The following NACC2 variants were observed in gnomAD, a reference collection of about 807,000 sequenced individuals.
NACC2 encodes nucleus accumbens-associated protein 2.
Under a neutral mutation model 25.1 loss-of-function variants are expected in NACC2, and 8 were observed. The ratio of observed to expected loss-of-function variants is 0.32; its 90% CI spans 0.19 to 0.57. The LOEUF is 0.57. Ranked by LOEUF, NACC2 falls within the 20% of genes least tolerant of loss-of-function variation. The probability of loss-of-function intolerance (pLI) is 0.89; values close to 1 mark genes in which losing one functional copy is unlikely to be tolerated. For synonymous variants in NACC2, 435 were observed against 294.7 expected (o/e 1.48, Z -4.88); for missense variants, 644 against 650.2 (o/e 0.99, Z 0.10).
chr9:136,013,485 T>C lies in NACC2; in HGVS notation c.1158-189A>G, dbSNP rs1055023856. 4.6e-5 allele frequency among the ~76,000 whole-genome samples: 7 copies of C among 152,182 alleles called. No individual in the cohort carries two copies. The highest frequency in any genetic ancestry group is 7.3e-5 in the Non-Finnish European group (5 of 68,034). On this transcript the variant is annotated intron_variant, in intron 4 of 5. Coordinates refer to ENST00000277554, the MANE Select transcript of NACC2 (RefSeq NM_144653.5). The surrounding 1 kb of genome is among the most constrained non-coding windows in gnomAD (Gnocchi z 6.6). ...CAGGACAAAGGAAAAGCGTCTGGGC[T>C]GAGAAGATGACCGGGTGATGGGGCT...
intron 1 of NACC2, among the ~76,000 whole-genome samples, chr9:136,063,151 G>T (rs964515463): frequency 1.3e-5 from 2 of 152,176 alleles, no homozygotes; most frequent in South Asian, 4.1e-4. Flanking sequence ...TCTCTCTCCT[G>T]TCAAACGTGT....
chr9:136,057,109 G>A (rs1272390887), intron 1 of NACC2, among the ~76,000 whole-genome samples: 1 of 152,192 alleles, frequency 6.6e-6, no homozygotes, highest in Non-Finnish European at 1.5e-5. Context: ...CTCTGCGTCC[G>A]ATAGGGCCTT....
intron 2 of NACC2, among the ~76,000 whole-genome samples, chr9:136,027,014 A>C (rs559430781): frequency 2.0e-5 from 3 of 152,336 alleles, no homozygotes; most frequent in Admixed American, 1.3e-4. Context: ...GGATCACCCA[A>C]GGTCAGGAGT....
chr9:136,072,313 C>T (rs1391102670), intron 1 of NACC2, among the ~76,000 whole-genome samples: 4 of 151,150 alleles, frequency 2.6e-5, no homozygotes, highest in African/African-American at 9.7e-5. Flanking sequence ...TGGGAGGCCA[C>T]GGTGAGCAGA....
chr9:136,045,890 C>T (rs1840715387), intron 2 of NACC2, among the ~76,000 whole-genome samples: 1 of 152,186 alleles, frequency 6.6e-6, no homozygotes, highest in Non-Finnish European at 1.5e-5. Context: ...GGGGAGCCCC[C>T]ACCCCAAGCC....
chr9:136,035,382 G>C (rs1286195944), intron 2 of NACC2, among the ~76,000 whole-genome samples: 3 of 151,906 alleles, frequency 2.0e-5, no homozygotes, highest in African/African-American at 7.3e-5. Flanking sequence ...TGCACAACCT[G>C]ACCCCAGTCC....
chr9:136,081,471 A>G (rs775256535), intron 1 of NACC2, among the ~76,000 whole-genome samples: 6 of 152,246 alleles, frequency 3.9e-5, no homozygotes, highest in Non-Finnish European at 8.8e-5. Context: ...CGGGGTGCCC[A>G]GGAAGGCGGT....
chr9:136,020,933 C>T lies in NACC2; in HGVS notation c.887-4504G>A, dbSNP rs191890413. ...CCAAAACCACCCTCCGTCTCAGCCT[C>T]GCACCCTACACAAAAACTGCAGAAG... On this transcript the variant is annotated intron_variant, in intron 2 of 5. Coordinates refer to ENST00000277554, the MANE Select transcript of NACC2 (RefSeq NM_144653.5). The surrounding 1 kb of genome is among the most constrained non-coding windows in gnomAD (Gnocchi z 4.7). Among the ~76,000 whole-genome samples, 3 of 152,286 alleles carry T rather than the reference C, an allele frequency of 2.0e-5. No homozygotes were observed. Among genetic ancestry groups the T allele is most frequent in the Admixed American group, 6.5e-5 (1 of 15,294 alleles).
rs554940505 is a variant in NACC2 at position 136,022,908 on chromosome 9, C to T, written c.887-6479G>A. On this transcript the variant is annotated intron_variant, in intron 2 of 5. Coordinates refer to ENST00000277554, the MANE Select transcript of NACC2 (RefSeq NM_144653.5). The surrounding 1 kb of genome is among the most constrained non-coding windows in gnomAD (Gnocchi z 4.4). ...CATCACCAATTACCACGCCATGCCA[C>T]GCCACACCGTGCCTGTTAAGACACA... is the stretch of plus-strand genomic sequence containing the variant. Among the ~76,000 whole-genome samples, 2 of 114,630 alleles carry T rather than the reference C, an allele frequency of 1.7e-5. No homozygotes were observed. The highest frequency in any genetic ancestry group is 4.1e-5 in the African/African-American group (1 of 24,442). The allele number at this position is 114,630 out of a possible 152,430, so 75.2% of individuals were successfully genotyped here.
In NACC2 at chr9:136,050,592, A is replaced by AG; in HGVS notation, c.-59-13dup. 1 of 710,784 alleles carries AG rather than the reference A, an allele frequency of 1.4e-6. No individual in the cohort carries two copies. Among genetic ancestry groups the AG allele is most frequent in the Non-Finnish European group, 2.6e-6 (1 of 391,470 alleles). The allele number at this position is 710,784 out of a possible 1,614,324, so 44.0% of individuals were successfully genotyped here. On this transcript the variant is annotated splice_polypyrimidine_tract_variant and intron_variant, in intron 1 of 5. Transcript: ENST00000277554. ...CTAGCGGGGCTCATCTGTGGGGGGC[A>AG]GGAGGCACGTGGTCAGTTCCTCCAG...
intron 1 of NACC2, among the ~76,000 whole-genome samples, chr9:136,082,496 A>C (rs527403056): frequency 4.2e-4 from 64 of 152,264 alleles, no homozygotes; most frequent in African/African-American, 1.5e-3. Flanking sequence ...TGCAGGGCGG[A>C]GCTGACAGTG....
intron 2 of NACC2, among the ~76,000 whole-genome samples, chr9:136,034,947 A>G (rs1293313392): frequency 1.3e-5 from 2 of 152,118 alleles, no homozygotes; most frequent in African/African-American, 4.8e-5. Flanking sequence ...TACAAAAATT[A>G]GCCGGGCATG....
At chr9:136,066,912 A>C (rs1841090426) in intron 1 of NACC2, among the ~76,000 whole-genome samples, 1 of 151,922 alleles carries the variant, frequency 6.6e-6, no homozygotes. Flanking sequence ...GATTCCATTT[A>C]TATAAAATGT....
At chr9:136,066,556 C>T (rs1841083756) in intron 1 of NACC2, among the ~76,000 whole-genome samples, 1 of 152,230 alleles carries the variant, frequency 6.6e-6, no homozygotes, top group Middle Eastern at 3.4e-3. Context: ...AATGTTAGGG[C>T]CACTTATGGA....
intron 2 of NACC2, among the ~76,000 whole-genome samples, chr9:136,033,828 G>A (rs1290796419): frequency 6.6e-5 from 10 of 150,586 alleles, no homozygotes; most frequent in Admixed American, 4.0e-4. Flanking sequence ...GACCCAATAC[G>A]GTAAAAATGT....
chr9:136,023,297 G>C (rs1168516998), intron 2 of NACC2, among the ~76,000 whole-genome samples: 1 of 151,786 alleles, frequency 6.6e-6, no homozygotes, highest in African/African-American at 2.4e-5. Context: ...CCAGGAGCTT[G>C]CTCCCGACGC....
At chr9:136,012,789 C>T (rs1207173163) in intron 5 of NACC2, among the ~76,000 whole-genome samples, 5 of 152,080 alleles carry the variant, frequency 3.3e-5, no homozygotes, top group East Asian at 3.9e-4. Flanking sequence ...ATCTGGGGCG[C>T]GGGCCGGGGG....
intron 2 of NACC2, 62 bp from the exon 3 acceptor site, chr9:136,016,491 G>A: frequency 1.3e-6 from 2 of 1,589,746 alleles, no homozygotes; most frequent in Non-Finnish European, 1.7e-6. Flanking sequence ...CTCTGTGCCT[G>A]CCCGCCTGCC....
At chr9:136,015,834 C>T (rs78957971) in intron 3 of NACC2, among the ~76,000 whole-genome samples, 2,706 of 152,266 alleles carry the variant, frequency 0.018, 79 homozygotes, top group African/African-American at 0.062. Flanking sequence ...AATTCCTGAG[C>T]GAGGCCCGGC....
Sources: gnomAD v4.1 joint callset for allele counts (sites outside exome capture counted in the v4.1 genomes callset) on GRCh38, gnomAD v4.1.1 for gene constraint, Gnocchi (gnomAD v3.1) non-coding constraint, MANE v1.5 for transcripts, NCBI Gene and HGNC (gene_info 2026-07-23, HGNC 2026-07-21) for gene names.